The following LDLRAD4 variants were observed in gnomAD, a reference collection of about 807,000 sequenced individuals.
LDLRAD4 encodes the protein low density lipoprotein receptor class A domain containing 4, also known as low-density lipoprotein receptor class A domain-containing protein 4.
A neutral mutation model predicts 17.0 loss-of-function variants in LDLRAD4; 5 were observed. That is an observed-to-expected ratio of 0.29 (90% CI 0.15 to 0.62). LDLRAD4 has a LOEUF of 0.62. Ranked by LOEUF, LDLRAD4 falls within the 20% of genes least tolerant of loss-of-function variation. LDLRAD4 has a pLI of 0.84. For missense variants in LDLRAD4, 340 were observed against 424.7 expected, an observed-to-expected ratio of 0.80 and a Z score of 1.75; for synonymous variants, 168 against 171.8, an observed-to-expected ratio of 0.98 and a Z score of 0.17.
chr18:13,298,512 G>A (rs1408352622), intron 1 of LDLRAD4, among the ~76,000 whole-genome samples: 1 of 150,062 alleles, frequency 6.7e-6, no homozygotes, highest in Non-Finnish European at 1.5e-5. Flanking sequence ...GCTGCTCTGG[G>A]CACGGTGATG....
intron 1 of LDLRAD4, among the ~76,000 whole-genome samples, chr18:13,315,052 G>T (rs1389470611): frequency 6.6e-6 from 1 of 152,156 alleles, no homozygotes; most frequent in Admixed American, 6.5e-5. Context: ...CCAAAACTTG[G>T]AGTTCAGGGC....
At chr18:13,363,331 CAAAAAAA>C (rs5742236) in intron 1 of LDLRAD4, among the ~76,000 whole-genome samples, 2 of 86,938 alleles carry the variant, frequency 2.3e-5, no homozygotes, top group African/African-American at 4.2e-5. Flanking sequence ...GACTCCGTCT[CAAAAAAA>C]AAAAAAAAAA....
chr18:13,320,307 T>C (rs772518643), intron 1 of LDLRAD4, among the ~76,000 whole-genome samples: 1 of 152,248 alleles, frequency 6.6e-6, no homozygotes, highest in Non-Finnish European at 1.5e-5. Context: ...TGAAGTCCTG[T>C]GTTGACGTAA....
intron 3 of LDLRAD4, among the ~76,000 whole-genome samples, chr18:13,536,798 T>G (rs1038528421): frequency 1.3e-5 from 2 of 152,214 alleles, no homozygotes; most frequent in Non-Finnish European, 2.9e-5. Flanking sequence ...GAAGTCTCCT[T>G]CTGTTCCTAC....
chr18:13,385,386 G>C (rs2085719445), intron 1 of LDLRAD4, among the ~76,000 whole-genome samples: 1 of 152,182 alleles, frequency 6.6e-6, no homozygotes, highest in African/African-American at 2.4e-5. Context: ...ATTAGGCCCT[G>C]ATCAGAAGTA....
At chr18:13,489,971 A>G (rs931725162) in intron 3 of LDLRAD4, 3 of 152,282 alleles carry the variant, frequency 2.0e-5, no homozygotes, top group East Asian at 3.9e-4. Context: ...AACTCATGAT[A>G]AAAGGGAATA....
chr18:13,445,766 GGTGT>G (rs919803347), intron 3 of LDLRAD4, among the ~76,000 whole-genome samples: 6 of 147,690 alleles, frequency 4.1e-5, no homozygotes, highest in Admixed American at 6.8e-5. Context: ...TGCATGTGTG[GGTGT>G]GTGTGTGTGT....
chr18:13,585,857 G>A (rs1454277585), intron 3 of LDLRAD4, among the ~76,000 whole-genome samples: 1 of 152,150 alleles, frequency 6.6e-6, no homozygotes, highest in African/African-American at 2.4e-5. Context: ...AACCAAGCCA[G>A]GGGAGCAAAT....
chr18:13,624,131 C>A (rs571520135), intron 4 of LDLRAD4, among the ~76,000 whole-genome samples: 4 of 152,200 alleles, frequency 2.6e-5, no homozygotes, highest in Non-Finnish European at 2.9e-5. Context: ...TGGATGTGAG[C>A]GGTGCTGAGG....
chr18:13,623,983 G>T (rs1296539536), intron 4 of LDLRAD4, among the ~76,000 whole-genome samples: 1 of 152,178 alleles, frequency 6.6e-6, no homozygotes, highest in Non-Finnish European at 1.5e-5. Flanking sequence ...ATGTCTAGGG[G>T]ACATTTGCAG....
intron 1 of LDLRAD4, among the ~76,000 whole-genome samples, chr18:13,372,495 A>G (rs1211233253): frequency 6.6e-6 from 1 of 152,146 alleles, no homozygotes; most frequent in Non-Finnish European, 1.5e-5. Flanking sequence ...AAAAATACAG[A>G]GAACAAAACA....
intron 3 of LDLRAD4, among the ~76,000 whole-genome samples, chr18:13,446,402 G>A (rs1012204307): frequency 1.3e-5 from 2 of 152,142 alleles, no homozygotes; most frequent in African/African-American, 2.4e-5. Context: ...CAAACCAACC[G>A]TCTTCTGTTC....
chr18:13,338,192 A>G (rs969685465), intron 1 of LDLRAD4, among the ~76,000 whole-genome samples: 1 of 151,970 alleles, frequency 6.6e-6, no homozygotes, highest in Non-Finnish European at 1.5e-5. Context: ...TCTGAATGCA[A>G]CTCGTGCTTC....
intron 1 of LDLRAD4, among the ~76,000 whole-genome samples, chr18:13,322,316 T>G (rs2143377516): frequency 6.7e-6 from 1 of 149,978 alleles, no homozygotes; most frequent in Admixed American, 6.6e-5. Flanking sequence ...TTTTTTGGTT[T>G]TGAGACAGAG....
At chr18:13,306,219 G>T in intron 1 of LDLRAD4, among the ~76,000 whole-genome samples, 1 of 152,212 alleles carries the variant, frequency 6.6e-6, no homozygotes, top group East Asian at 1.9e-4. Context: ...TTATCATTTT[G>T]TGCAAATGCA....
chr18:13,438,456 G>A, intron 3 of LDLRAD4, 72 bp downstream of exon 4: 1 of 1,234,482 alleles, frequency 8.1e-7, no homozygotes, highest in South Asian at 1.3e-5. Context: ...GGGGTCACTG[G>A]GACATGGGAA....
chr18:13,528,243 T>C (rs2094066307), intron 3 of LDLRAD4, among the ~76,000 whole-genome samples: 1 of 152,250 alleles, frequency 6.6e-6, no homozygotes, highest in East Asian at 1.9e-4. Context: ...AGTCTTCCTC[T>C]GCCAGCACTG....
intron 3 of LDLRAD4, among the ~76,000 whole-genome samples, chr18:13,479,693 T>C (rs2093036330): frequency 6.6e-6 from 1 of 152,028 alleles, no homozygotes; most frequent in Non-Finnish European, 1.5e-5. Context: ...AATCTGATAA[T>C]GGACCAAACT....
At chr18:13,315,222 T>C (rs1387991140) in intron 1 of LDLRAD4, among the ~76,000 whole-genome samples, 1 of 152,242 alleles carries the variant, frequency 6.6e-6, no homozygotes, top group East Asian at 1.9e-4. Flanking sequence ...CACCCTGCCC[T>C]GCTCTGCCTG....
Sources: gnomAD v4.1 joint callset for allele counts (sites outside exome capture counted in the v4.1 genomes callset) on GRCh38, gnomAD v4.1.1 for gene constraint, MANE v1.5 for transcripts, NCBI Gene and HGNC (gene_info 2026-07-23, HGNC 2026-07-21) for gene names.